The following NLGN1 variants were observed in gnomAD, a reference collection of about 807,000 sequenced individuals.
The protein encoded by NLGN1 is neuroligin-1.
Under a neutral mutation model 65.5 loss-of-function variants are expected in NLGN1, and 12 were observed. The observed-to-expected ratio is 0.18, with a 90% CI of 0.12 to 0.30. NLGN1 has a LOEUF of 0.30. Among genes scored for constraint, NLGN1 ranks in the 10% least tolerant of loss-of-function variants. The pLI, the probability that NLGN1 is intolerant of heterozygous loss-of-function variation, is 1.00. For synonymous variants in NLGN1, 350 were observed against 359.5 expected (o/e 0.97, Z 0.30); for missense variants, 750 against 1,007.1 (o/e 0.74, Z 3.46).
At chr3:174,163,733 T>C (rs1014100766) in intron 4 of NLGN1, among the ~76,000 whole-genome samples, 3 of 152,100 alleles carry the variant, frequency 2.0e-5, no homozygotes, top group Non-Finnish European at 4.4e-5. Context: ...GGCCTTCTGC[T>C]GCTTCAACGT....
chr3:173,461,574 T>A (rs990301672), intron 2 of NLGN1, among the ~76,000 whole-genome samples: 1 of 152,084 alleles, frequency 6.6e-6, no homozygotes, highest in South Asian at 2.1e-4. Context: ...ATATGAGAAA[T>A]AGAATAATAA....
At chr3:173,705,822 A>G (rs1211349118) in intron 3 of NLGN1, among the ~76,000 whole-genome samples, 1 of 151,988 alleles carries the variant, frequency 6.6e-6, no homozygotes, top group African/African-American at 2.4e-5. Context: ...TTTTGGTCAC[A>G]ATTTTTATTT....
intron 4 of NLGN1, among the ~76,000 whole-genome samples, chr3:174,036,439 G>T (rs1731138172): frequency 6.6e-6 from 1 of 152,028 alleles, no homozygotes; most frequent in Non-Finnish European, 1.5e-5. Flanking sequence ...GATCAATAGT[G>T]TAATTCTAAC....
At chr3:173,828,026 G>A (rs1721720553) in intron 4 of NLGN1, among the ~76,000 whole-genome samples, 1 of 152,096 alleles carries the variant, frequency 6.6e-6, no homozygotes. Flanking sequence ...AGCTATCTGG[G>A]CATCCCTTAG....
At chr3:173,973,070 T>A (rs929894793) in intron 4 of NLGN1, among the ~76,000 whole-genome samples, 1 of 152,164 alleles carries the variant, frequency 6.6e-6, no homozygotes, top group Admixed American at 6.6e-5. Context: ...TCTCAGTTTC[T>A]TCATCTGTAA....
intron 4 of NLGN1, among the ~76,000 whole-genome samples, chr3:174,181,828 T>G (rs1248247556): frequency 6.9e-6 from 1 of 144,760 alleles, no homozygotes; most frequent in East Asian, 2.0e-4. Flanking sequence ...CACACAAAAC[T>G]TAGCCAGCAT....
rs1451546488 is a variant in NLGN1, at chr3:173,498,426, G to T, written c.-321+63348G>T. On this transcript the variant is annotated intron_variant, in intron 2 of 6. Coordinates refer to ENST00000457714, the Ensembl canonical transcript of NLGN1. Reference sequence around the variant, plus strand: ...GCATAGTATTCCATGGTGTATATGTGCCACATTTTCTTAATCCAGTCTATC... The same window carrying T: ...GCATAGTATTCCATGGTGTATATGTTCCACATTTTCTTAATCCAGTCTATC... Among the ~76,000 whole-genome samples, 4 of 151,854 alleles carry T rather than the reference G, an allele frequency of 2.6e-5. No individual in the cohort carries two copies. In the South Asian group the frequency reaches 8.3e-4, roughly 32 times the overall value.
At chr3:174,227,474 C>T (rs1403253215) in intron 4 of NLGN1, among the ~76,000 whole-genome samples, 2 of 151,656 alleles carry the variant, frequency 1.3e-5, no homozygotes, top group African/African-American at 2.4e-5. Flanking sequence ...TTATTCATAT[C>T]TTTTTTATTT....
intron 4 of NLGN1, among the ~76,000 whole-genome samples, chr3:173,856,744 G>A (rs1484870978): frequency 6.6e-6 from 1 of 152,014 alleles, no homozygotes; most frequent in Non-Finnish European, 1.5e-5. Flanking sequence ...AATGAGAACT[G>A]TTTTACACAG....
chr3:173,423,652 T>G (rs945206257), intron 1 of NLGN1, among the ~76,000 whole-genome samples: 2 of 152,250 alleles, frequency 1.3e-5, no homozygotes, highest in Admixed American at 6.5e-5. Context: ...CAGGGCACAC[T>G]AATGCAAGCA....
chr3:173,823,880 T>G (rs1720813356), intron 4 of NLGN1, among the ~76,000 whole-genome samples: 1 of 151,344 alleles, frequency 6.6e-6, no homozygotes, highest in Non-Finnish European at 1.5e-5. Context: ...TTTTGAAGAT[T>G]AATGAGTATT....
intron 2 of NLGN1, among the ~76,000 whole-genome samples, chr3:173,592,535 T>C (rs1024838545): frequency 6.6e-6 from 1 of 152,186 alleles, no homozygotes; most frequent in African/African-American, 2.4e-5. Flanking sequence ...CATTGTATTG[T>C]CATTTGTTTC....
chr3:173,479,919 G>A (rs1165546963), intron 2 of NLGN1, among the ~76,000 whole-genome samples: 2 of 152,098 alleles, frequency 1.3e-5, no homozygotes, highest in African/African-American at 4.8e-5. Flanking sequence ...AGTTGTTAAA[G>A]TGAGAAGGAT....
At chr3:174,182,100 C>A (rs7618997) in intron 4 of NLGN1, among the ~76,000 whole-genome samples, 18,243 of 151,698 alleles carry the variant, frequency 0.12, 1,143 homozygotes, top group Admixed American at 0.15. Context: ...CTTGTCTCTC[C>A]CCTTCACTTT....
At chr3:173,835,957 G>A (rs1271194780) in intron 4 of NLGN1, among the ~76,000 whole-genome samples, 2 of 152,082 alleles carry the variant, frequency 1.3e-5, no homozygotes, top group Non-Finnish European at 2.9e-5. Flanking sequence ...CGCACTGTAA[G>A]GTTGACAAGG....
rs989736512 is a variant in NLGN1, at chr3:173,667,804, A to G, written c.493+62713A>G. 2.0e-5 allele frequency among the ~76,000 whole-genome samples: 3 copies of G among 151,858 alleles called. No individual in the cohort carries two copies. In the East Asian group the frequency reaches 5.8e-4, roughly 30 times the overall value. Reference sequence around the variant, plus strand: ...ACCACCACGCCTGGCTCACTTTTGTATGTTTTTTAGTAGAGTCGGGGTTTC... The same window carrying G: ...ACCACCACGCCTGGCTCACTTTTGTGTGTTTTTTAGTAGAGTCGGGGTTTC... On this transcript the variant is annotated intron_variant, in intron 3 of 6. Coordinates refer to ENST00000457714, the Ensembl canonical transcript of NLGN1.
intron 2 of NLGN1, among the ~76,000 whole-genome samples, chr3:173,493,729 A>C (rs1041352361): frequency 6.6e-6 from 1 of 151,824 alleles, no homozygotes; most frequent in Admixed American, 6.6e-5. Flanking sequence ...ACTGGATTAA[A>C]ATGTAGGCAG....
At chr3:174,018,010 T>G (rs986066525) in intron 4 of NLGN1, among the ~76,000 whole-genome samples, 1 of 152,128 alleles carries the variant, frequency 6.6e-6, no homozygotes. Context: ...ATCCCTTATC[T>G]GCAACCATAA....
intron 4 of NLGN1, among the ~76,000 whole-genome samples, chr3:174,154,688 A>C (rs985796741): frequency 4.6e-5 from 7 of 151,636 alleles, no homozygotes; most frequent in African/African-American, 1.5e-4. Context: ...AAGTGATTAC[A>C]TAGGAAAAAT....
Sources: allele counts gnomAD v4.1 joint callset (sites outside exome capture counted in the v4.1 genomes callset), GRCh38; gene constraint gnomAD v4.1.1; transcripts MANE v1.5; gene names NCBI Gene and HGNC (gene_info 2026-07-23, HGNC 2026-07-21).